The following AKT3 variants were observed in gnomAD, a reference collection of about 807,000 sequenced individuals.
AKT3 encodes the protein AKT serine/threonine kinase 3.
AKT3 carries 15 observed loss-of-function variants against 65.3 expected under a neutral mutation model. The observed-to-expected ratio is 0.23, with a 90% CI of 0.15 to 0.35. The LOEUF (loss-of-function observed/expected upper bound fraction) is 0.35. Among genes scored for constraint, AKT3 ranks in the 10% least tolerant of loss-of-function variants. The pLI, the probability that AKT3 is intolerant of heterozygous loss-of-function variation, is 1.00. For missense variants in AKT3, 243 were observed against 576.5 expected (o/e 0.42, Z 5.92); for synonymous variants, 206 against 183.8 (o/e 1.12, Z -0.98).
chr1:243,827,664 C>A (rs928950041), intron 2 of AKT3, among the ~76,000 whole-genome samples: 4 of 152,018 alleles, frequency 2.6e-5, no homozygotes, highest in African/African-American at 7.3e-5. Context: ...CTTACCCAAT[C>A]CTGAGTGAGA....
At chr1:243,786,413 G>C (rs1558809524) in intron 2 of AKT3, among the ~76,000 whole-genome samples, 1 of 152,180 alleles carries the variant, frequency 6.6e-6, no homozygotes, top group Non-Finnish European at 1.5e-5. Context: ...AGGATAGTCA[G>C]TTATTTAAGT....
At chr1:243,804,574 C>T (rs1213711305) in intron 2 of AKT3, among the ~76,000 whole-genome samples, 5 of 152,144 alleles carry the variant, frequency 3.3e-5, no homozygotes, top group Admixed American at 1.3e-4. Context: ...TGGCCGGATG[C>T]GGTGGCTCAC....
intron 8 of AKT3, among the ~76,000 whole-genome samples, chr1:243,585,548 G>C (rs1375085898): frequency 6.6e-6 from 1 of 151,876 alleles, no homozygotes; most frequent in Non-Finnish European, 1.5e-5. Context: ...AGACACAAAG[G>C]CCAATGGAAC....
chr1:243,728,413 G>A (rs761609300), intron 2 of AKT3, among the ~76,000 whole-genome samples: 1 of 152,218 alleles, frequency 6.6e-6, no homozygotes, highest in Non-Finnish European at 1.5e-5. Context: ...TATAGGTTGT[G>A]AGGGAGACAC....
intron 2 of AKT3, among the ~76,000 whole-genome samples, chr1:243,746,651 A>G (rs1688486860): frequency 6.6e-6 from 1 of 152,242 alleles, no homozygotes; most frequent in South Asian, 2.1e-4. Flanking sequence ...CTCTACAGAA[A>G]AGATGAGGGG....
intron 4 of AKT3, among the ~76,000 whole-genome samples, chr1:243,653,609 G>T (rs1182890625): frequency 6.6e-6 from 1 of 152,144 alleles, no homozygotes; most frequent in Non-Finnish European, 1.5e-5. Flanking sequence ...TAAATACTAG[G>T]TATATCAAGG....
chr1:243,813,622 C>A (rs1369404155), intron 2 of AKT3, among the ~76,000 whole-genome samples: 1 of 151,848 alleles, frequency 6.6e-6, no homozygotes, highest in African/African-American at 2.4e-5. Flanking sequence ...TGTAAGGACC[C>A]TGGATTTTAA....
intron 12 of AKT3, among the ~76,000 whole-genome samples, chr1:243,521,663 G>A (rs1670726443): frequency 6.6e-6 from 1 of 152,072 alleles, no homozygotes; most frequent in Admixed American, 6.5e-5. Context: ...AATGTACCAA[G>A]GGGCCCAAGG....
chr1:243,722,020 C>A (rs905820310), intron 2 of AKT3, among the ~76,000 whole-genome samples: 1 of 152,006 alleles, frequency 6.6e-6, no homozygotes, highest in Admixed American at 6.6e-5. Flanking sequence ...TCTAAAGGAG[C>A]CAAGCATAAG....
At chr1:243,518,323 G>T (rs1670497239) in intron 12 of AKT3, among the ~76,000 whole-genome samples, 1 of 152,104 alleles carries the variant, frequency 6.6e-6, no homozygotes, top group South Asian at 2.1e-4. Context: ...AACATTGTCG[G>T]GTAGGGCTTG....
chr1:243,730,115 G>A (rs1015256178), intron 2 of AKT3, among the ~76,000 whole-genome samples: 1 of 152,094 alleles, frequency 6.6e-6, no homozygotes. Flanking sequence ...TTTCCTTTAC[G>A]CCTTTCAGCC....
chr1:243,691,998 G>A (rs1439983500), intron 3 of AKT3, among the ~76,000 whole-genome samples: 4 of 152,194 alleles, frequency 2.6e-5, no homozygotes, highest in South Asian at 4.2e-4. Context: ...GAACACAGTG[G>A]GAGTGGTCAA....
intron 2 of AKT3, chr1:243,808,203 CAGA>C (rs1401198190): frequency 4.6e-5 from 7 of 152,140 alleles, no homozygotes; most frequent in Non-Finnish European, 4.4e-5. Flanking sequence ...GAGTTGAGAG[CAGA>C]AGGCTTCAGA....
chr1:243,714,332 G>A lies in AKT3; in HGVS notation c.47-18616C>T, dbSNP rs1368443994. 3.3e-5 allele frequency among the ~76,000 whole-genome samples: 5 copies of A among 152,182 alleles called. No individual in the cohort carries two copies. The East Asian group carries it at 9.6e-4, about 29-fold the overall frequency. On this transcript the variant is annotated intron_variant, in intron 2 of 13. Coordinates refer to ENST00000673466, the MANE Select transcript of AKT3 (RefSeq NM_005465.7). ...AAAATGCAAAACAAAATTAAACAAT[G>A]TGTCCACTTTGTACAGATATTTTTT...
intron 3 of AKT3, among the ~76,000 whole-genome samples, chr1:243,667,298 A>T (rs1257338293): frequency 6.6e-6 from 1 of 152,174 alleles, no homozygotes; most frequent in Non-Finnish European, 1.5e-5. Context: ...TTAAAGACAG[A>T]AACTGTGCTC....
chr1:243,646,137 A>G, intron 4 of AKT3, 100 bp from the exon 5 acceptor site: 2 of 1,063,950 alleles, frequency 1.9e-6, no homozygotes, highest in Non-Finnish European at 2.6e-6. Flanking sequence ...AAATCTATTC[A>G]GAGATCAAAC....
chr1:243,608,902 A>C (rs1420929981), intron 8 of AKT3, among the ~76,000 whole-genome samples: 3 of 151,434 alleles, frequency 2.0e-5, no homozygotes, highest in Non-Finnish European at 4.4e-5. Flanking sequence ...ACAAGCATCC[A>C]CCACCATGCC....
intron 2 of AKT3, among the ~76,000 whole-genome samples, chr1:243,800,504 G>A (rs1692314694): frequency 6.6e-6 from 1 of 152,172 alleles, no homozygotes; most frequent in South Asian, 2.1e-4. Context: ...CGGATCACGA[G>A]GTCAAGAGAT....
At chr1:243,736,323 A>G (rs1687840300) in intron 2 of AKT3, among the ~76,000 whole-genome samples, 1 of 152,178 alleles carries the variant, frequency 6.6e-6, no homozygotes, top group Admixed American at 6.5e-5. Flanking sequence ...CAATGTTAGA[A>G]ATTACAATTA....
Sources: allele counts gnomAD v4.1 joint callset (sites outside exome capture counted in the v4.1 genomes callset), GRCh38; gene constraint gnomAD v4.1.1; transcripts MANE v1.5; gene names NCBI Gene and HGNC (gene_info 2026-07-23, HGNC 2026-07-21).